Variants in APC observed in about 807,000 individuals in gnomAD.
The protein encoded by APC is adenomatous polyposis coli protein.
Under a neutral mutation model 247.0 loss-of-function variants are expected in APC, and 72 were observed. That is an observed-to-expected ratio of 0.29 (90% CI 0.24 to 0.35). The LOEUF is 0.35. APC is among the 10% of genes least tolerant of loss of function. The probability of loss-of-function intolerance (pLI) is 1.00; values close to 1 mark genes in which losing one functional copy is unlikely to be tolerated. For synonymous variants in APC, 1,254 were observed against 1,162.5 expected (o/e 1.08, Z -1.60); for missense variants, 3,400 against 3,360.7 (o/e 1.01, Z -0.29).
At chr5:112,770,471 T>C (rs534319565) in intron 4 of APC, among the ~76,000 whole-genome samples, 9 of 152,248 alleles carry the variant, frequency 5.9e-5, no homozygotes, top group Non-Finnish European at 1.3e-4. Context: ...CTTGTTTTTG[T>C]TTTCGTTTTT....
At chr5:112,816,192 G>A (rs1762497280) in intron 9 of APC, among the ~76,000 whole-genome samples, 1 of 152,094 alleles carries the variant, frequency 6.6e-6, no homozygotes, top group South Asian at 2.1e-4. Context: ...AACTCTTCTT[G>A]GGCTTTGCTT....
intron 11 of APC, among the ~76,000 whole-genome samples, chr5:112,824,986 C>G (rs1036824555): frequency 6.6e-6 from 1 of 152,118 alleles, no homozygotes; most frequent in African/African-American, 2.4e-5. Context: ...ATTGAACTGA[C>G]TATGTGACAT....
chr5:112,713,138 T>A (rs1214933225), intron 1 of APC, among the ~76,000 whole-genome samples: 1 of 138,662 alleles, frequency 7.2e-6, no homozygotes, highest in Non-Finnish European at 1.5e-5. Flanking sequence ...ATCACTGCAC[T>A]CCAGCCTGGG....
At chr5:112,804,835 A>G (rs1561520605) in intron 8 of APC, among the ~76,000 whole-genome samples, 2 of 152,146 alleles carry the variant, frequency 1.3e-5, no homozygotes, top group Non-Finnish European at 2.9e-5. Flanking sequence ...CTCTGCAAAA[A>G]AAAATAAAAA....
At position 112,803,094 on chromosome 5, in the gene APC, G is replaced by T. The variant is rs191347141; in HGVS notation, c.834+1711G>T. 2.0e-4 allele frequency among the ~76,000 whole-genome samples: 30 copies of T among 151,976 alleles called. No homozygotes were observed. In the East Asian group the frequency reaches 4.8e-3, roughly 25 times the overall value. On this transcript the variant is annotated intron_variant, in intron 8 of 15. Coordinates refer to ENST00000257430, the MANE Select transcript of APC (RefSeq NM_000038.6). Reference sequence around the variant, plus strand: ...AATTAAAACTAAAGTCAGATTTCGTGGGGGGGCCATTTAGTTGGCAAAAAT... The same window carrying T: ...AATTAAAACTAAAGTCAGATTTCGTTGGGGGGCCATTTAGTTGGCAAAAAT...
intron 1 of APC, among the ~76,000 whole-genome samples, chr5:112,745,987 T>G (rs1346922731): frequency 6.6e-6 from 1 of 152,216 alleles, no homozygotes; most frequent in East Asian, 1.9e-4. Context: ...TTTGTTTGTT[T>G]TGGTAAACAC....
intron 5 of APC, chr5:112,777,954 G>A (rs1757855298): frequency 5.4e-6 from 1 of 185,698 alleles, no homozygotes; most frequent in Non-Finnish European, 1.2e-5. Flanking sequence ...AGTTTTTTGA[G>A]AATTAAGAAA....
chr5:112,733,873 C>A (rs1752227181), upstream of APC, among the ~76,000 whole-genome samples: 2 of 152,098 alleles, frequency 1.3e-5, no homozygotes, highest in African/African-American at 4.8e-5. Context: ...TGTTCTTGAG[C>A]AAAAGTGTGA....
chr5:112,718,874 G>A (rs548936643), intron 1 of APC, among the ~76,000 whole-genome samples: 1 of 152,230 alleles, frequency 6.6e-6, no homozygotes, highest in South Asian at 2.1e-4. Context: ...TTTGTGTTAG[G>A]GCTCCTTTGA....
chr5:112,842,775 G>T lies in APC; in HGVS notation c.7181G>T (p.Ser2394Ile), dbSNP rs1766401591. The T allele has an allele frequency of 6.2e-7, 1 of 1,613,856 alleles. No individual in the cohort carries two copies. The highest frequency in any genetic ancestry group is 1.7e-5 in the Admixed American group (1 of 60,002). Reference protein sequence around the residue: ...LSKNASSIPRSESASKGLNQM... With the variant: ...LSKNASSIPRIESASKGLNQM... ...AAGAATGCCAGTAGTATTCCAAGAA[G>T]TGAGTCTGCCTCCAAAGGACTAAAT... is the stretch of plus-strand genomic sequence containing the variant. The change falls in exon 16 of 16, where the codon AGT becomes ATT. Residue 2394 changes from serine (S) to isoleucine (I), a missense_variant. By Grantham distance (142) the Ser-to-Ile change is moderately radical. Around this residue, in one of 9 missense-constraint regions of APC, gnomAD observed 1,788 missense variants for 1,649.5 expected, o/e 1.08. Coordinates refer to ENST00000257430, the MANE Select transcript of APC (RefSeq NM_000038.6).
At chr5:112,733,389 A>G (rs1171641647), upstream of APC, among the ~76,000 whole-genome samples, 1 of 152,196 alleles carries the variant, frequency 6.6e-6, no homozygotes, top group East Asian at 1.9e-4. Flanking sequence ...AAGGGTCTTT[A>G]AAGAGGTTAC....
At position 112,840,034 on chromosome 5, in the gene APC, G is replaced by C. The variant is rs876659881; in HGVS notation, c.4440G>C (p.Gln1480His). ...AAVNAAVQRVQVLPDADTLLH... is the reference protein window; with the variant it reads ...AAVNAAVQRVHVLPDADTLLH... The stretch of plus-strand genomic sequence containing the variant: ...TAAATGCTGCAGTTCAGAGGGTCCA[G>C]GTTCTTCCAGATGCTGATACTTTAT... The change falls in exon 16 of 16, where the codon CAG (glutamine) becomes CAC (histidine). Residue 1480 changes from glutamine to histidine, a missense_variant. Physicochemically the swap from Gln to His is conservative, Grantham distance 24. Around this residue, in one of 9 missense-constraint regions of APC, gnomAD observed 1,788 missense variants for 1,649.5 expected, o/e 1.08. Transcript: ENST00000257430. This position sits in a 1 kb window ranked among gnomAD's most constrained non-coding sequence, Gnocchi z 4.1. 3.1e-6 allele frequency: 5 copies of C among 1,613,954 alleles called. No homozygotes were observed. The highest frequency in any genetic ancestry group is 4.2e-6 in the Non-Finnish European group (5 of 1,180,012).
At chr5:112,712,893 A>G (rs1300558257) in intron 1 of APC, among the ~76,000 whole-genome samples, 1 of 152,146 alleles carries the variant, frequency 6.6e-6, no homozygotes, top group East Asian at 1.9e-4. Context: ...ATCTCGGGCT[A>G]GGCGCTGTGG....
At chr5:112,767,509 C>A in intron 4 of APC, 119 bp downstream of exon 4, 1 of 765,786 alleles carries the variant, frequency 1.3e-6, no homozygotes, top group Non-Finnish European at 2.1e-6. Flanking sequence ...GAGCATTTTG[C>A]ATTTTTAAAC....
chr5:112,841,340 C>A lies in APC; in HGVS notation c.5746C>A (p.Gln1916Lys), dbSNP rs1060503369. ...SANKTQAIAK[Q>K]PINRGQPKPI... is the part of the protein sequence containing the mutation. ...TAATAAGACACAAGCTATTGCAAAG[C>A]AGCCAATAAATCGAGGTCAGCCTAA... The change falls in exon 16 of 16, where the codon CAG becomes AAG. Residue 1916 changes from glutamine (Q) to lysine (K), a missense_variant. By Grantham distance (53) the Gln-to-Lys change is moderately conservative. This residue lies in a region of APC where 1,788 missense variants were observed against 1,649.5 expected (regional missense o/e 1.08). Transcript: ENST00000257430. This position sits in a 1 kb window ranked among gnomAD's most constrained non-coding sequence, Gnocchi z 4.6. The A allele has an allele frequency of 6.2e-7, 1 of 1,613,914 alleles. No homozygotes were observed. Among genetic ancestry groups the A allele is most frequent in the Non-Finnish European group, 8.5e-7 (1 of 1,179,850 alleles).
intron 7 of APC, among the ~76,000 whole-genome samples, chr5:112,794,271 A>C (rs61667491): frequency 6.6e-6 from 1 of 151,996 alleles, no homozygotes; most frequent in Non-Finnish European, 1.5e-5. Context: ...TGTAGAGACG[A>C]GGTTTTGCCA....
At chr5:112,783,944 T>C (rs1334266528) in intron 6 of APC, among the ~76,000 whole-genome samples, 1 of 152,062 alleles carries the variant, frequency 6.6e-6, no homozygotes, top group Non-Finnish European at 1.5e-5. Context: ...AAATGTAATA[T>C]AAAGTAAGGT....
rs528368269 is a variant in APC at position 112,709,570 on chromosome 5, C to G, written c.165+1688C>G. On this transcript the variant is annotated intron_variant, in intron 1 of 13. Transcript: ENST00000507379. ...GCTTCTGGCAAAATGATTTGTAGCTCTGTATCAAAAAACATCTGACCACAA... is the reference window on the plus strand; with the variant it reads ...GCTTCTGGCAAAATGATTTGTAGCTGTGTATCAAAAAACATCTGACCACAA... 2.6e-5 allele frequency among the ~76,000 whole-genome samples: 4 copies of G among 152,250 alleles called. No individual in the cohort carries two copies. In the East Asian group the frequency reaches 5.8e-4, roughly 22 times the overall value.
chr5:112,724,843 A>T (rs1182868567), intron 1 of APC, among the ~76,000 whole-genome samples: 1 of 152,184 alleles, frequency 6.6e-6, no homozygotes, highest in Non-Finnish European at 1.5e-5. Flanking sequence ...GAGGAGTGTG[A>T]AGAGCCAAGG....
Sources: allele counts gnomAD v4.1 joint callset (sites outside exome capture counted in the v4.1 genomes callset), GRCh38; gene constraint gnomAD v4.1.1; regional missense constraint gnomAD v4.1.1; non-coding constraint Gnocchi (gnomAD v3.1); transcripts MANE v1.5; gene names NCBI Gene and HGNC (gene_info 2026-07-23, HGNC 2026-07-21).